SLC2A13: variants seen among roughly 807,000 people sequenced by gnomAD.
SLC2A13 encodes proton myo-inositol cotransporter.
Under a neutral mutation model 64.4 loss-of-function variants are expected in SLC2A13, and 32 were observed. The observed-to-expected ratio is 0.50, with a 90% CI of 0.37 to 0.67. The LOEUF (loss-of-function observed/expected upper bound fraction) is 0.67. Among genes scored for constraint, SLC2A13 ranks in the 30% least tolerant of loss-of-function variants. The probability of loss-of-function intolerance (pLI) is 0.00; values close to 1 mark genes in which losing one functional copy is unlikely to be tolerated. For synonymous variants in SLC2A13, 338 were observed against 327.1 expected (o/e 1.03, Z -0.36); for missense variants, 743 against 829.2 (o/e 0.90, Z 1.28).
intron 4 of SLC2A13, among the ~76,000 whole-genome samples, chr12:39,916,321 G>A (rs1387697119): frequency 6.6e-6 from 1 of 151,924 alleles, no homozygotes; most frequent in Non-Finnish European, 1.5e-5. Flanking sequence ...GAAATTTTCT[G>A]AGAAATTAAA....
At chr12:39,988,685 GGGAGGGAGGAA>G (rs1947075980) in intron 3 of SLC2A13, among the ~76,000 whole-genome samples, 1 of 108,602 alleles carries the variant, frequency 9.2e-6, no homozygotes, top group Non-Finnish European at 2.0e-5. Context: ...GAAGAAGGGA[GGGAGGGAGGAA>G]GGAAGGAAGG....
chr12:39,862,779 TA>T (rs571933146), intron 6 of SLC2A13, among the ~76,000 whole-genome samples: 37 of 152,304 alleles, frequency 2.4e-4, no homozygotes, highest in African/African-American at 8.7e-4. Flanking sequence ...TTAATACAAG[TA>T]TACAATGTGT....
intron 6 of SLC2A13, among the ~76,000 whole-genome samples, chr12:39,833,959 C>T (rs1179008809): frequency 6.6e-6 from 1 of 151,278 alleles, no homozygotes; most frequent in Non-Finnish European, 1.5e-5. Context: ...GACCCTCAGT[C>T]TATAGGGTTC....
intron 7 of SLC2A13, among the ~76,000 whole-genome samples, chr12:39,821,189 G>A (rs752155703): frequency 6.6e-6 from 1 of 152,060 alleles, no homozygotes; most frequent in Non-Finnish European, 1.5e-5. Flanking sequence ...CAAGGCGGGC[G>A]GATCATGAGG....
At chr12:39,861,878 T>C (rs554487195) in intron 6 of SLC2A13, among the ~76,000 whole-genome samples, 42 of 152,316 alleles carry the variant, frequency 2.8e-4, no homozygotes, top group Middle Eastern at 6.8e-3. Context: ...TTTTTTTAAA[T>C]TTAATTTTAA....
At chr12:40,059,281 A>G (rs1174052319) in intron 1 of SLC2A13, among the ~76,000 whole-genome samples, 1 of 152,212 alleles carries the variant, frequency 6.6e-6, no homozygotes, top group Non-Finnish European at 1.5e-5. Context: ...TTTCATTTAT[A>G]CAGAGTCAAT....
At chr12:40,049,219 A>G (rs1948214768) in intron 1 of SLC2A13, among the ~76,000 whole-genome samples, 1 of 152,128 alleles carries the variant, frequency 6.6e-6, no homozygotes. Context: ...CTCCATAAAA[A>G]AAAAAAGATT....
chr12:40,079,538 T>TA (rs745684845), intron 1 of SLC2A13, among the ~76,000 whole-genome samples: 2 of 152,214 alleles, frequency 1.3e-5, no homozygotes, highest in Non-Finnish European at 2.9e-5. Context: ...TGGTCAATGT[T>TA]AGAGTATGTG....
chr12:40,059,176 G>C (rs950444051), intron 1 of SLC2A13, among the ~76,000 whole-genome samples: 28 of 152,126 alleles, frequency 1.8e-4, no homozygotes, highest in African/African-American at 5.6e-4. Context: ...TCAATGATTT[G>C]ATTGTAAAAC....
intron 4 of SLC2A13, among the ~76,000 whole-genome samples, chr12:39,935,045 A>G (rs1053942623): frequency 2.0e-5 from 3 of 152,208 alleles, no homozygotes; most frequent in Non-Finnish European, 2.9e-5. Flanking sequence ...ACCAAGAGAA[A>G]GAGATATGAC....
intron 3 of SLC2A13, among the ~76,000 whole-genome samples, chr12:39,976,371 C>A (rs7311756): frequency 0.1 from 15,644 of 152,178 alleles, 1,006 homozygotes; most frequent in Admixed American, 0.16. Flanking sequence ...CCAAAGTAGA[C>A]AATGATAAGT....
intron 4 of SLC2A13, among the ~76,000 whole-genome samples, chr12:39,897,111 A>G (rs1944942505): frequency 6.6e-6 from 1 of 152,138 alleles, no homozygotes; most frequent in Admixed American, 6.6e-5. Context: ...TTTCTTTATC[A>G]TTGTTCCTGT....
At chr12:39,940,701 CTT>C (rs1224657224) in intron 4 of SLC2A13, among the ~76,000 whole-genome samples, 4 of 151,780 alleles carry the variant, frequency 2.6e-5, no homozygotes, top group East Asian at 1.9e-4. Flanking sequence ...AATATATAAA[CTT>C]ATAATATTTT....
In SLC2A13 at chr12:39,916,928, C is replaced by CTCTACCTTTCTAAGGTAG. The variant is rs1945530634; in HGVS notation, c.1034+34328_1034+34329insCTACCTTAGAAAGGTAGA. Among the ~76,000 whole-genome samples the CTCTACCTTTCTAAGGTAG allele has an allele frequency of 2.0e-5, 3 of 152,224 alleles. No homozygotes were observed. The South Asian group carries it at 6.2e-4, about 32-fold the overall frequency. The stretch of plus-strand genomic sequence containing the variant: ...ATATACGGTGGGGAAAACAGAGCTT[C>CTCTACCTTTCTAAGGTAG]AGTCCTTCTCTACCTTAGGTGATCT... On this transcript the variant is annotated intron_variant, in intron 4 of 9. Coordinates refer to ENST00000280871, the MANE Select transcript of SLC2A13 (RefSeq NM_052885.4).
chr12:40,061,469 G>T (rs1186611586), intron 1 of SLC2A13, among the ~76,000 whole-genome samples: 1 of 151,772 alleles, frequency 6.6e-6, no homozygotes, highest in Non-Finnish European at 1.5e-5. Context: ...AATATAGAGG[G>T]TCATTCTGGG....
rs1294263890 is a variant in SLC2A13 at position 39,758,019 on chromosome 12, TATTAG to T, written c.*2002_*2006del. On this transcript the variant is annotated 3_prime_UTR_variant, in exon 10 of 10. Coordinates refer to ENST00000280871, the MANE Select transcript of SLC2A13 (RefSeq NM_052885.4). ...TTCACTTCAATTTACCTGTGTAAAA[TATTAG>T]ATAAGAAATTTCTTATGAGATAAGA... 6.6e-6 allele frequency: 1 copy of T among 151,820 alleles called. No homozygotes were observed. Among genetic ancestry groups the T allele is most frequent in the African/African-American group, 2.4e-5 (1 of 41,402 alleles). The allele number at this position is 151,820 out of a possible 1,614,324, so 9.4% of individuals were successfully genotyped here.
At chr12:39,772,330 A>G (rs780557217) in intron 7 of SLC2A13, among the ~76,000 whole-genome samples, 5 of 152,138 alleles carry the variant, frequency 3.3e-5, no homozygotes, top group African/African-American at 4.8e-5. Flanking sequence ...GGGTTGTTAC[A>G]AAGATTAAAC....
At chr12:39,926,198 TATAA>T (rs1360764601) in intron 4 of SLC2A13, among the ~76,000 whole-genome samples, 8 of 152,152 alleles carry the variant, frequency 5.3e-5, no homozygotes, top group South Asian at 2.1e-4. Context: ...TATAGAAAAA[TATAA>T]ATAAATAACC....
chr12:40,027,099 A>G (rs1204597459), intron 3 of SLC2A13, among the ~76,000 whole-genome samples: 1 of 151,810 alleles, frequency 6.6e-6, no homozygotes, highest in Non-Finnish European at 1.5e-5. Flanking sequence ...AAAAAAATTC[A>G]TATTTCATTT....
Sources: allele counts gnomAD v4.1 joint callset (sites outside exome capture counted in the v4.1 genomes callset), GRCh38; gene constraint gnomAD v4.1.1; transcripts MANE v1.5; gene names NCBI Gene and HGNC (gene_info 2026-07-23, HGNC 2026-07-21).